The following PDE4B variants were observed in gnomAD, a reference collection of about 807,000 sequenced individuals.
PDE4B encodes phosphodiesterase 4B.
In PDE4B, 20 loss-of-function variants were observed where a neutral mutation model predicts 82.2. That is an observed-to-expected ratio of 0.24 (90% CI 0.17 to 0.35). The LOEUF (loss-of-function observed/expected upper bound fraction) is 0.35. Among genes scored for constraint, PDE4B ranks in the 10% least tolerant of loss-of-function variants. The pLI is 1.00. For missense variants in PDE4B, 655 were observed against 907.2 expected, an observed-to-expected ratio of 0.72 and a Z score of 3.57; for synonymous variants, 320 against 318.9, an observed-to-expected ratio of 1.00 and a Z score of -0.04.
intron 3 of PDE4B, among the ~76,000 whole-genome samples, chr1:66,199,889 C>G (rs1017472580): frequency 6.6e-6 from 1 of 152,224 alleles, no homozygotes; most frequent in Non-Finnish European, 1.5e-5. Flanking sequence ...GTTGCCATTG[C>G]TTTTGGTGTT....
intron 3 of PDE4B, among the ~76,000 whole-genome samples, chr1:66,158,469 G>T (rs944658401): frequency 3.9e-4 from 60 of 152,110 alleles, no homozygotes; most frequent in African/African-American, 1.4e-3. Flanking sequence ...CTCCAGTAGA[G>T]AAAGGGGAAC....
At chr1:66,169,607 G>A (rs1025151019) in intron 3 of PDE4B, among the ~76,000 whole-genome samples, 6 of 152,200 alleles carry the variant, frequency 3.9e-5, no homozygotes, top group African/African-American at 1.4e-4. Context: ...GAGTCAGACA[G>A]GAGGTTGGAT....
chr1:65,822,555 C>T (rs753107158), intron 1 of PDE4B, among the ~76,000 whole-genome samples: 1 of 152,134 alleles, frequency 6.6e-6, no homozygotes, highest in South Asian at 2.1e-4. Context: ...CATGTTAGAA[C>T]TTAAACCCCA....
intron 4 of PDE4B, among the ~76,000 whole-genome samples, chr1:66,248,207 C>T (rs138364082): frequency 6.6e-6 from 1 of 152,174 alleles, no homozygotes; most frequent in Non-Finnish European, 1.5e-5. Context: ...CTGTAAAGCA[C>T]TGCTGATATT....
At chr1:65,938,041 T>C (rs1302619685) in intron 3 of PDE4B, among the ~76,000 whole-genome samples, 1 of 152,230 alleles carries the variant, frequency 6.6e-6, no homozygotes, top group Middle Eastern at 3.4e-3. Context: ...ATGTAATAAT[T>C]GGTGTGAATA....
At chr1:66,030,612 G>A (rs1213386652) in intron 3 of PDE4B, among the ~76,000 whole-genome samples, 1 of 151,998 alleles carries the variant, frequency 6.6e-6, no homozygotes, top group African/African-American at 2.4e-5. Flanking sequence ...ATCCACTACT[G>A]GGTATATACC....
intron 1 of PDE4B, among the ~76,000 whole-genome samples, chr1:65,837,692 A>T (rs1157635509): frequency 1.3e-5 from 2 of 152,204 alleles, no homozygotes; most frequent in Non-Finnish European, 2.9e-5. Context: ...AAGCTGACGA[A>T]CAACCTTACT....
At chr1:65,839,763 G>T (rs1570999443) in intron 1 of PDE4B, among the ~76,000 whole-genome samples, 1 of 152,116 alleles carries the variant, frequency 6.6e-6, no homozygotes. Context: ...GTAGAATGAT[G>T]TATAATCCTT....
At chr1:65,836,639 A>ATTTTTGTTTCAACTCCTTAACT (rs1557771391) in intron 1 of PDE4B, among the ~76,000 whole-genome samples, 1 of 151,668 alleles carries the variant, frequency 6.6e-6, no homozygotes, top group East Asian at 1.9e-4. Context: ...ACTCCTCTAC[A>ATTTTTGTTTCAACTCCTTAACT]TTTTTGTTTC....
At chr1:66,005,223 GA>G (rs1295688326) in intron 3 of PDE4B, among the ~76,000 whole-genome samples, 2 of 152,028 alleles carry the variant, frequency 1.3e-5, no homozygotes, top group Non-Finnish European at 2.9e-5. Flanking sequence ...CCATGTAAGT[GA>G]GAGACTGGAG....
At chr1:66,055,021 A>G (rs562817969) in intron 3 of PDE4B, among the ~76,000 whole-genome samples, 1 of 152,328 alleles carries the variant, frequency 6.6e-6, no homozygotes, top group East Asian at 1.9e-4. Flanking sequence ...TGCGTTTTAA[A>G]GAGTGCAAAT....
At chr1:66,191,343 A>G (rs751489885) in intron 3 of PDE4B, among the ~76,000 whole-genome samples, 1 of 152,168 alleles carries the variant, frequency 6.6e-6, no homozygotes, top group South Asian at 2.1e-4. Flanking sequence ...ATCTTCTTTG[A>G]GGTTATTTAT....
chr1:66,308,953 G>GA (rs892038895), intron 7 of PDE4B, among the ~76,000 whole-genome samples: 2 of 152,094 alleles, frequency 1.3e-5, no homozygotes, highest in Non-Finnish European at 2.9e-5. Context: ...CTTGTAATTA[G>GA]AAAAAAGAAG....
chr1:65,868,718 C>T (rs1646540326), intron 1 of PDE4B, among the ~76,000 whole-genome samples: 1 of 152,150 alleles, frequency 6.6e-6, no homozygotes, highest in South Asian at 2.1e-4. Context: ...GGCCACGCAG[C>T]CGCAGGTGAG....
intron 3 of PDE4B, among the ~76,000 whole-genome samples, chr1:66,146,107 A>T (rs752465382): frequency 6.6e-6 from 1 of 151,274 alleles, no homozygotes; most frequent in Non-Finnish European, 1.5e-5. Flanking sequence ...TCACAGCCTA[A>T]TAGAAATATA....
At chr1:65,945,128 A>G (rs1648642815) in intron 3 of PDE4B, among the ~76,000 whole-genome samples, 2 of 152,004 alleles carry the variant, frequency 1.3e-5, no homozygotes, top group South Asian at 4.1e-4. Flanking sequence ...GTAGAACCAC[A>G]TAATGGCTAT....
chr1:66,247,632 A>G lies in PDE4B; in HGVS notation c.454A>G (p.Asn152Asp). 1 of 1,593,440 alleles carries G rather than the reference A, an allele frequency of 6.3e-7. No individual in the cohort carries two copies. The highest frequency in any genetic ancestry group is 8.6e-7 in the Non-Finnish European group (1 of 1,169,416). The change falls in exon 4 of 17, where the codon AAC becomes GAC. Residue 152 changes from asparagine (N) to aspartate (D), a missense_variant. Physicochemically the swap from Asn to Asp is conservative, Grantham distance 23. This residue lies in a region of PDE4B where 253 missense variants were observed against 275.6 expected (regional missense o/e 0.92). Transcript: ENST00000341517. ...YDLSPKAMSR[N>D]SSLPSEQHGD... is the part of the protein sequence containing the mutation. ...CTTGTCACCAAAGGCGATGTCGAGA[A>G]ACTCTTCTCTTCCAAGCGAGCAGTA...
intron 3 of PDE4B, among the ~76,000 whole-genome samples, chr1:66,049,719 T>A (rs1654911858): frequency 1.3e-5 from 2 of 152,124 alleles, no homozygotes; most frequent in African/African-American, 2.4e-5. Flanking sequence ...ATTTGCAGTG[T>A]GGTATGGGGC....
rs560816928 is a variant in PDE4B, at chr1:66,028,250, C to A, written c.281+109415C>A. ...GGAAGTTGCCAAAGCTTGGGGATTC[C>A]ACCCTCTGAAGCCACAGCCTGAGCT... is the stretch of plus-strand genomic sequence containing the variant. On this transcript the variant is annotated intron_variant, in intron 3 of 16. Coordinates refer to ENST00000341517, the MANE Select transcript of PDE4B (RefSeq NM_002600.4). 2.0e-5 allele frequency among the ~76,000 whole-genome samples: 3 copies of A among 152,310 alleles called. No homozygotes were observed. In the East Asian group the frequency reaches 5.8e-4, roughly 29 times the overall value.
Sources: gnomAD v4.1 joint callset for allele counts (sites outside exome capture counted in the v4.1 genomes callset) on GRCh38, gnomAD v4.1.1 for gene constraint, gnomAD v4.1.1 regional missense constraint, MANE v1.5 for transcripts, NCBI Gene and HGNC (gene_info 2026-07-23, HGNC 2026-07-21) for gene names.